GALNT17: variants seen among roughly 807,000 people sequenced by gnomAD.
The protein encoded by GALNT17 is polypeptide N-acetylgalactosaminyltransferase 17.
GALNT17 carries 29 observed loss-of-function variants against 63.7 expected under a neutral mutation model. The ratio of observed to expected loss-of-function variants is 0.46; its 90% confidence interval spans 0.34 to 0.62. GALNT17 has a LOEUF of 0.62. GALNT17 is among the 20% of genes least tolerant of loss of function. The pLI, the probability that GALNT17 is intolerant of heterozygous loss-of-function variation, is 0.01. For missense variants in GALNT17, 603 were observed against 799.6 expected (o/e 0.75, Z 2.97); for synonymous variants, 305 against 318.3 (o/e 0.96, Z 0.45).
intron 7 of GALNT17, among the ~76,000 whole-genome samples, chr7:71,665,959 G>A (rs562741973): frequency 3.5e-4 from 53 of 152,270 alleles, no homozygotes; most frequent in African/African-American, 1.2e-3. Context: ...TTCCCATGGA[G>A]CTCCAGCTGC....
intron 5 of GALNT17, among the ~76,000 whole-genome samples, chr7:71,446,335 G>A (rs1031536402): frequency 2.0e-5 from 3 of 151,950 alleles, no homozygotes; most frequent in African/African-American, 2.4e-5. Context: ...AAATACAAAA[G>A]ATCATTAGAT....
At chr7:71,251,232 G>A (rs1460653121) in intron 1 of GALNT17, among the ~76,000 whole-genome samples, 1 of 151,094 alleles carries the variant, frequency 6.6e-6, no homozygotes, top group African/African-American at 2.4e-5. Context: ...TTTAGTTTGG[G>A]GGAAATTTGG....
chr7:71,606,074 G>A (rs1032846818), intron 6 of GALNT17, among the ~76,000 whole-genome samples: 3 of 151,900 alleles, frequency 2.0e-5, no homozygotes, highest in Non-Finnish European at 2.9e-5. Flanking sequence ...CAATTAGCTG[G>A]GACTACTGGT....
At chr7:71,443,560 T>G (rs898528293) in intron 5 of GALNT17, among the ~76,000 whole-genome samples, 4 of 152,084 alleles carry the variant, frequency 2.6e-5, no homozygotes, top group East Asian at 1.9e-4. Flanking sequence ...CCTGCTCCCC[T>G]TATTTCTCCA....
At chr7:71,646,243 T>TA (rs1790674065) in intron 6 of GALNT17, among the ~76,000 whole-genome samples, 1 of 152,210 alleles carries the variant, frequency 6.6e-6, no homozygotes, top group African/African-American at 2.4e-5. Context: ...CCCACACTTT[T>TA]AAAAATTTAA....
intron 5 of GALNT17, among the ~76,000 whole-genome samples, chr7:71,433,084 A>C (rs1420257799): frequency 6.6e-6 from 1 of 152,122 alleles, no homozygotes; most frequent in Non-Finnish European, 1.5e-5. Flanking sequence ...GGATTACAGG[A>C]GTCAGCCACT....
chr7:71,289,265 A>G, intron 1 of GALNT17, among the ~76,000 whole-genome samples: 1 of 149,016 alleles, frequency 6.7e-6, no homozygotes, highest in South Asian at 2.1e-4. Flanking sequence ...ATTATTGGGC[A>G]TAATTAATAA....
Position 71,156,704 on chromosome 7 carries a change from G to GTC in GALNT17, c.238+23678_238+23679dup, listed in dbSNP as rs1048311086. On this transcript the variant is annotated intron_variant, in intron 1 of 10. Coordinates refer to ENST00000333538, the MANE Select transcript of GALNT17 (RefSeq NM_022479.3). ...TCCCTTCCTTCCTCTCTGTCTCTCT[G>GTC]TCTCTCTCTCTCTCTTTTCCTTCTT... 2.9e-3 allele frequency among the ~76,000 whole-genome samples: 332 copies of GTC among 114,384 alleles called. 5 individuals carry two copies. Among genetic ancestry groups the GTC allele is most frequent in the African/African-American group, 0.011 (309 of 27,020 alleles). The allele number at this position is 114,384 out of a possible 152,430, so 75.0% of individuals were successfully genotyped here. A position where few individuals can be genotyped will look rare whatever the true frequency, so the allele number is the denominator to read the frequency against.
chr7:71,546,161 C>CTTTT (rs34711093), intron 5 of GALNT17, among the ~76,000 whole-genome samples: 2 of 136,604 alleles, frequency 1.5e-5, no homozygotes, highest in Non-Finnish European at 1.6e-5. Flanking sequence ...TTGAGGGACA[C>CTTTT]TTTTTTTTTT....
intron 3 of GALNT17, among the ~76,000 whole-genome samples, chr7:71,406,974 A>C (rs907731834): frequency 1.3e-5 from 2 of 152,362 alleles, no homozygotes; most frequent in South Asian, 4.1e-4. Context: ...GATGATGCAG[A>C]AATGTCAAGT....
intron 5 of GALNT17, among the ~76,000 whole-genome samples, chr7:71,440,930 C>T (rs1322553470): frequency 1.3e-5 from 2 of 152,086 alleles, no homozygotes; most frequent in African/African-American, 4.8e-5. Flanking sequence ...CCATCCATTT[C>T]TCCTCTTGTT....
At chr7:71,392,034 C>A (rs1349593990) in intron 3 of GALNT17, among the ~76,000 whole-genome samples, 2 of 152,062 alleles carry the variant, frequency 1.3e-5, no homozygotes, top group African/African-American at 2.4e-5. Flanking sequence ...AATGAGGGAT[C>A]CACCCCCATG....
chr7:71,394,085 G>A (rs1319345438), intron 3 of GALNT17, among the ~76,000 whole-genome samples: 1 of 152,054 alleles, frequency 6.6e-6, no homozygotes, highest in Non-Finnish European at 1.5e-5. Context: ...AATTTATAAC[G>A]GAAAGTAATT....
chr7:71,628,523 G>A (rs868238094), intron 6 of GALNT17, among the ~76,000 whole-genome samples: 4 of 151,590 alleles, frequency 2.6e-5, no homozygotes, highest in Admixed American at 6.6e-5. Flanking sequence ...GGGTTTCACC[G>A]TGTTGGCTAT....
chr7:71,288,798 AGAG>A (rs1790925290), intron 1 of GALNT17, among the ~76,000 whole-genome samples: 1 of 152,212 alleles, frequency 6.6e-6, no homozygotes, highest in South Asian at 2.1e-4. Context: ...AGAGTGCAGG[AGAG>A]GAGAGTTGGT....
In GALNT17 at chr7:71,524,192, T is replaced by C. The variant is rs1271547422; in HGVS notation, c.963-47093T>C. Among the ~76,000 whole-genome samples, 6 of 149,210 alleles carry C rather than the reference T, an allele frequency of 4.0e-5. No homozygotes were observed. In the East Asian group the frequency reaches 1.2e-3, roughly 29 times the overall value. ...TAGTTTTAGTTCTATTACTATTAAC[T>C]AGTAATAGTAACTAGTTATTAACTA... is the stretch of plus-strand genomic sequence containing the variant. On this transcript the variant is annotated intron_variant, in intron 5 of 10. Transcript: ENST00000333538.
chr7:71,490,263 A>T (rs915706567), intron 5 of GALNT17, among the ~76,000 whole-genome samples: 9 of 151,822 alleles, frequency 5.9e-5, no homozygotes. Flanking sequence ...TCTCAAAAAA[A>T]AAAAAAAGAA....
At chr7:71,164,078 A>G (rs1939244609) in intron 1 of GALNT17, among the ~76,000 whole-genome samples, 1 of 152,206 alleles carries the variant, frequency 6.6e-6, no homozygotes, top group Non-Finnish European at 1.5e-5. Flanking sequence ...CTCTGATCCA[A>G]CCTTGGGAGA....
chr7:71,645,021 A>T (rs1175424625), intron 6 of GALNT17, among the ~76,000 whole-genome samples: 1 of 152,168 alleles, frequency 6.6e-6, no homozygotes, highest in Admixed American at 6.5e-5. Context: ...AAGAGGATGG[A>T]GAATGCACAC....
Sources: gnomAD v4.1 joint callset for allele counts (sites outside exome capture counted in the v4.1 genomes callset) on GRCh38, gnomAD v4.1.1 for gene constraint, MANE v1.5 for transcripts, NCBI Gene and HGNC (gene_info 2026-07-23, HGNC 2026-07-21) for gene names.